Variants in SYNDIG1 observed in about 807,000 individuals in gnomAD.
SYNDIG1 encodes synapse differentiation-inducing gene protein 1.
In SYNDIG1, 9 loss-of-function variants were observed where a neutral mutation model predicts 19.4. The observed-to-expected ratio is 0.46, with a 90% CI of 0.28 to 0.81. SYNDIG1 has a LOEUF of 0.81. Ranked by LOEUF, SYNDIG1 falls within the 30% of genes least tolerant of loss-of-function variation. SYNDIG1 has a pLI of 0.12. For synonymous variants in SYNDIG1, 141 were observed against 145.9 expected (o/e 0.97, Z 0.24); for missense variants, 311 against 343.3 (o/e 0.91, Z 0.74).
At chr20:24,500,519 T>TTTC (rs753226387) in intron 1 of SYNDIG1, among the ~76,000 whole-genome samples, 2,281 of 107,736 alleles carry the variant, frequency 0.021, 30 homozygotes, top group African/African-American at 0.051. Flanking sequence ...TCTTTCTTTC[T>TTTC]TTCTTTCTTT....
intron 1 of SYNDIG1, among the ~76,000 whole-genome samples, chr20:24,511,370 C>A (rs2386954): frequency 0.73 from 111,167 of 152,024 alleles, 40,904 homozygotes; most frequent in African/African-American, 0.82. Context: ...CAAACCCCGG[C>A]TCCACATGGT....
At chr20:24,585,998 G>A (rs1016429444) in intron 3 of SYNDIG1, among the ~76,000 whole-genome samples, 1 of 152,226 alleles carries the variant, frequency 6.6e-6, no homozygotes, top group African/African-American at 2.4e-5. Context: ...GCTTCTTGAT[G>A]GCTTCTGTAT....
chr20:24,509,907 GA>G (rs2146450835), intron 1 of SYNDIG1, among the ~76,000 whole-genome samples: 1 of 152,308 alleles, frequency 6.6e-6, no homozygotes, highest in South Asian at 2.1e-4. Flanking sequence ...GTTTCTTCAT[GA>G]ACGGTTTAGC....
intron 2 of SYNDIG1, among the ~76,000 whole-genome samples, chr20:24,555,890 A>G (rs199899491): frequency 6.6e-6 from 1 of 152,100 alleles, no homozygotes; most frequent in Non-Finnish European, 1.5e-5. Context: ...GATCTGTCTA[A>G]TGTTGACAGT....
At chr20:24,568,937 G>A (rs2058096380) in intron 2 of SYNDIG1, among the ~76,000 whole-genome samples, 1 of 152,154 alleles carries the variant, frequency 6.6e-6, no homozygotes, top group South Asian at 2.1e-4. Flanking sequence ...GTGCACGTCC[G>A]TAACCAGTTC....
rs1568723293 is a variant in SYNDIG1 at position 24,661,503 on chromosome 20, AGAGGGAG to A, written c.619-3840_619-3834del. On this transcript the variant is annotated intron_variant, in intron 3 of 3. Coordinates refer to ENST00000376862, the MANE Select transcript of SYNDIG1 (RefSeq NM_024893.3). ...GAGGGAGGAAGAAGGGAGGGAGGGAAGAGGGAGGAAGGAGGGAGGGAGGAAAAAAGGA... is the reference window on the plus strand; with the variant it reads ...GAGGGAGGAAGAAGGGAGGGAGGGAAGAAGGAGGGAGGGAGGAAAAAAGGA... Among the ~76,000 whole-genome samples the A allele has an allele frequency of 5.0e-3, 26 of 5,172 alleles. 1 individual carries two copies. The highest frequency in any genetic ancestry group is 7.0e-3 in the South Asian group (1 of 142). The allele number at this position is 5,172 out of a possible 152,430, so 3.4% of individuals were successfully genotyped here. A position where few individuals can be genotyped will look rare whatever the true frequency, so the allele number is the denominator to read the frequency against.
At chr20:24,579,057 A>G (rs1325542135) in intron 2 of SYNDIG1, among the ~76,000 whole-genome samples, 1 of 152,222 alleles carries the variant, frequency 6.6e-6, no homozygotes, top group East Asian at 1.9e-4. Flanking sequence ...AATGTTATAG[A>G]TTAAACATTC....
At chr20:24,519,839 G>GCA (rs148158255) in intron 1 of SYNDIG1, among the ~76,000 whole-genome samples, 4,261 of 148,114 alleles carry the variant, frequency 0.029, 69 homozygotes, top group Middle Eastern at 0.062. Flanking sequence ...ACGCGCACAT[G>GCA]CACACACACA....
At chr20:24,584,453 C>T (rs917104296) in intron 2 of SYNDIG1, among the ~76,000 whole-genome samples, 3 of 152,216 alleles carry the variant, frequency 2.0e-5, no homozygotes, top group Non-Finnish European at 4.4e-5. Flanking sequence ...ATGGTGGCAA[C>T]GGGGCCAGTT....
At chr20:24,498,161 T>C (rs2056347148) in intron 1 of SYNDIG1, among the ~76,000 whole-genome samples, 1 of 152,240 alleles carries the variant, frequency 6.6e-6, no homozygotes, top group South Asian at 2.1e-4. Context: ...CTGTGCGTGT[T>C]TAACGTATGC....
chr20:24,627,621 C>A (rs890722687), intron 3 of SYNDIG1, among the ~76,000 whole-genome samples: 3 of 152,278 alleles, frequency 2.0e-5, no homozygotes, highest in Non-Finnish European at 2.9e-5. Flanking sequence ...AGACATGAAG[C>A]CTTCCCCGGT....
chr20:24,663,096 T>A (rs559116124), intron 3 of SYNDIG1, among the ~76,000 whole-genome samples: 1 of 152,314 alleles, frequency 6.6e-6, no homozygotes, highest in African/African-American at 2.4e-5. Flanking sequence ...GACCACGTTG[T>A]GTGTTTTGTG....
intron 1 of SYNDIG1, among the ~76,000 whole-genome samples, chr20:24,531,070 A>G (rs532126399): frequency 1.3e-5 from 2 of 152,234 alleles, no homozygotes; most frequent in East Asian, 3.9e-4. Context: ...TCAGCCTCCC[A>G]AAGTGCTAGG....
chr20:24,497,503 G>A (rs752737928), intron 1 of SYNDIG1, among the ~76,000 whole-genome samples: 1 of 152,124 alleles, frequency 6.6e-6, no homozygotes, highest in Non-Finnish European at 1.5e-5. Context: ...GCCTGGCCTC[G>A]GTTTCTCTTA....
chr20:24,617,962 C>T (rs1284047697), intron 3 of SYNDIG1, among the ~76,000 whole-genome samples: 1 of 111,216 alleles, frequency 9.0e-6, no homozygotes, highest in Non-Finnish European at 1.9e-5. Flanking sequence ...AGGGGGAGAC[C>T]CCGGGTGGGG....
At chr20:24,559,764 A>G (rs1318760688) in intron 2 of SYNDIG1, among the ~76,000 whole-genome samples, 1 of 152,070 alleles carries the variant, frequency 6.6e-6, no homozygotes, top group Non-Finnish European at 1.5e-5. Flanking sequence ...CTCGTTTGGA[A>G]GTTTTTTTCA....
intron 3 of SYNDIG1, among the ~76,000 whole-genome samples, chr20:24,648,211 A>G (rs1401198442): frequency 1.3e-5 from 2 of 152,346 alleles, no homozygotes; most frequent in South Asian, 2.1e-4. Flanking sequence ...GCTCGCAGAC[A>G]TGCCTCTGGG....
chr20:24,573,612 G>T (rs944577300), intron 2 of SYNDIG1, among the ~76,000 whole-genome samples: 1 of 152,228 alleles, frequency 6.6e-6, no homozygotes, highest in Non-Finnish European at 1.5e-5. Flanking sequence ...ATCACGTAGT[G>T]ATCTTTCACA....
At chr20:24,568,553 A>G (rs1200116748) in intron 2 of SYNDIG1, among the ~76,000 whole-genome samples, 1 of 152,218 alleles carries the variant, frequency 6.6e-6, no homozygotes, top group African/African-American at 2.4e-5. Flanking sequence ...AGAAACTGAG[A>G]TAAAAATGAT....
Sources: gnomAD v4.1 joint callset for allele counts (sites outside exome capture counted in the v4.1 genomes callset) on GRCh38, gnomAD v4.1.1 for gene constraint, MANE v1.5 for transcripts, NCBI Gene and HGNC (gene_info 2026-07-23, HGNC 2026-07-21) for gene names.